Variants in PPP2CA observed in about 807,000 individuals in gnomAD.
The protein encoded by PPP2CA is protein phosphatase 2 catalytic subunit alpha.
Under a neutral mutation model 38.8 loss-of-function variants are expected in PPP2CA, and 5 were observed. The observed-to-expected ratio is 0.13, with a 90% CI of 0.07 to 0.27. The LOEUF (loss-of-function observed/expected upper bound fraction) is 0.27. PPP2CA is among the 10% of genes least tolerant of loss of function. The pLI is 1.00. For synonymous variants in PPP2CA, 152 were observed against 134.0 expected (o/e 1.13, Z -0.93); for missense variants, 88 against 389.7 (o/e 0.23, Z 6.52).
chr5:134,215,168 G>A (rs1561741516), intron 1 of PPP2CA, among the ~76,000 whole-genome samples: 4 of 150,238 alleles, frequency 2.7e-5, no homozygotes, highest in Non-Finnish European at 5.9e-5. Flanking sequence ...CATGATCACA[G>A]CTCATTGCAG....
intron 1 of PPP2CA, among the ~76,000 whole-genome samples, chr5:134,223,229 A>G (rs1762483105): frequency 6.6e-6 from 1 of 152,204 alleles, no homozygotes; most frequent in Non-Finnish European, 1.5e-5. Context: ...CAAATTTTCA[A>G]AATTACTCTT....
At chr5:134,203,155 CAT>C (rs972640900) in intron 2 of PPP2CA, among the ~76,000 whole-genome samples, 2 of 151,564 alleles carry the variant, frequency 1.3e-5, no homozygotes, top group Admixed American at 1.3e-4. Context: ...TTTGAAAAAA[CAT>C]AATCTTAATT....
At chr5:134,200,871 A>C in intron 4 of PPP2CA, 114 bp downstream of exon 4, 1 of 867,592 alleles carries the variant, frequency 1.2e-6, no homozygotes, top group Admixed American at 2.3e-5. Context: ...GAGTGCTCAC[A>C]CCTCAAGTTG....
At chr5:134,222,185 A>G (rs4431386) in intron 1 of PPP2CA, among the ~76,000 whole-genome samples, 116,563 of 151,852 alleles carry the variant, frequency 0.77, 45,188 homozygotes, top group Non-Finnish European at 0.82. Context: ...TGAGTCTTTG[A>G]GTTGCATCTG....
intron 1 of PPP2CA, among the ~76,000 whole-genome samples, chr5:134,215,665 C>T (rs572699528): frequency 6.6e-6 from 1 of 152,214 alleles, no homozygotes; most frequent in East Asian, 1.9e-4. Context: ...TCTTGAACTC[C>T]CGGGCTCAAG....
At position 134,212,800 on chromosome 5, in the gene PPP2CA, G is replaced by C. The variant is rs563354304; in HGVS notation, c.103-6669C>G. On this transcript the variant is annotated intron_variant, in intron 1 of 6. Transcript: ENST00000481195. ...AGCCAAACAGTCTTATTGCAGATAC[G>C]GACAAAGTTTTAGTGGTCTGGATAG... Among the ~76,000 whole-genome samples, 10 of 152,256 alleles carry C rather than the reference G, an allele frequency of 6.6e-5. No individual in the cohort carries two copies. In the East Asian group the frequency reaches 1.9e-3, roughly 29 times the overall value.
chr5:134,199,288 T>C, intron 5 of PPP2CA, 84 bp from the exon 6 acceptor site: 1 of 1,026,910 alleles, frequency 9.7e-7, no homozygotes, highest in Non-Finnish European at 1.5e-6. Context: ...AAAAAATCTC[T>C]ACTCATTCCC....
intron 1 of PPP2CA, among the ~76,000 whole-genome samples, chr5:134,207,821 T>TA (rs1255955151): frequency 6.6e-6 from 1 of 152,206 alleles, no homozygotes; most frequent in African/African-American, 2.4e-5. Flanking sequence ...AGTGCTGAAT[T>TA]ACAGGCGTTA....
intron 6 of PPP2CA, among the ~76,000 whole-genome samples, chr5:134,198,810 C>G (rs564147745): frequency 2.0e-5 from 3 of 152,288 alleles, no homozygotes; most frequent in African/African-American, 4.8e-5. Context: ...AGGTGATCCA[C>G]CCGAGCCTTC....
At chr5:134,208,407 A>G (rs561726214) in intron 1 of PPP2CA, among the ~76,000 whole-genome samples, 1 of 152,338 alleles carries the variant, frequency 6.6e-6, no homozygotes, top group South Asian at 2.1e-4. Context: ...AGTGTTATCT[A>G]TTTTTTAAAC....
chr5:134,209,710 G>A (rs964493780), intron 1 of PPP2CA, among the ~76,000 whole-genome samples: 5 of 151,978 alleles, frequency 3.3e-5, no homozygotes, highest in African/African-American at 7.3e-5. Flanking sequence ...CCTGGGAGGC[G>A]GAGGTTGCAG....
intron 1 of PPP2CA, among the ~76,000 whole-genome samples, chr5:134,217,292 A>G (rs1182147376): frequency 6.6e-6 from 1 of 152,222 alleles, no homozygotes; most frequent in Non-Finnish European, 1.5e-5. Context: ...AAAAAAAGAA[A>G]AAAAAAAGAA....
chr5:134,195,305 C>G lies in PPP2CA; in HGVS notation c.*2467G>C, dbSNP rs2149381556. ...TGGCTCTGTCACCCAGACTGGAGTA[C>G]AGTGGCACAATCTCAGCCCACTGCA... is the stretch of plus-strand genomic sequence containing the variant. On this transcript the variant is annotated 3_prime_UTR_variant, in exon 7 of 7. Coordinates refer to ENST00000481195, the MANE Select transcript of PPP2CA (RefSeq NM_002715.4). 6.6e-6 allele frequency: 1 copy of G among 152,304 alleles called. No individual in the cohort carries two copies. Among genetic ancestry groups the G allele is most frequent in the East Asian group, 1.9e-4 (1 of 5,172 alleles). 9.4% of individuals were successfully genotyped at this position (152,304 alleles called of 1,614,324 possible).
chr5:134,206,140 G>A lies in PPP2CA; in HGVS notation c.103-9C>T, dbSNP rs1048272990. The A allele has an allele frequency of 6.2e-6, 10 of 1,604,106 alleles. No homozygotes were observed. The highest frequency in any genetic ancestry group is 2.7e-5 in the African/African-American group (2 of 74,752). ...GTCAGGATTTCTTTAGCCTACAGAT[G>A]GGAGACAAAAATAAGGCAATACATT... is the stretch of plus-strand genomic sequence containing the variant. On this transcript the variant is annotated splice_polypyrimidine_tract_variant and intron_variant, in intron 1 of 6. Coordinates refer to ENST00000481195, the MANE Select transcript of PPP2CA (RefSeq NM_002715.4).
At chr5:134,211,085 A>T (rs1762194621) in intron 1 of PPP2CA, among the ~76,000 whole-genome samples, 1 of 151,946 alleles carries the variant, frequency 6.6e-6, no homozygotes, top group African/African-American at 2.4e-5. Context: ...ATCTTTGAGG[A>T]TACTTTTTAA....
Position 134,197,041 on chromosome 5 carries a change from A to T in PPP2CA, c.*731T>A, listed in dbSNP as rs1263519945. On this transcript the variant is annotated 3_prime_UTR_variant, in exon 7 of 7. Transcript: ENST00000481195. ...TTTACTCAATTGATTTAACTTTTTT[A>T]ATAAACAGCACCAGTCTTGCCCATT... 1 of 152,658 alleles carries T rather than the reference A, an allele frequency of 6.6e-6. No individual in the cohort carries two copies. Among genetic ancestry groups the T allele is most frequent in the African/African-American group, 2.4e-5 (1 of 41,460 alleles). The allele number at this position is 152,658 out of a possible 1,614,324, so 9.5% of individuals were successfully genotyped here.
intron 2 of PPP2CA, among the ~76,000 whole-genome samples, chr5:134,204,845 A>C (rs529991098): frequency 2.0e-5 from 3 of 152,264 alleles, no homozygotes; most frequent in African/African-American, 7.2e-5. Context: ...AATGTATGTA[A>C]TGTACATAAT....
At chr5:134,213,063 T>C (rs1279014150) in intron 1 of PPP2CA, among the ~76,000 whole-genome samples, 1 of 152,058 alleles carries the variant, frequency 6.6e-6, no homozygotes, top group East Asian at 1.9e-4. Flanking sequence ...CTAAGATAAG[T>C]GATGAAGGTG....
At chr5:134,198,395 A>AAAACAAAC (rs70976523) in intron 6 of PPP2CA, among the ~76,000 whole-genome samples, 143 of 150,846 alleles carry the variant, frequency 9.5e-4, no homozygotes, top group African/African-American at 3.0e-3. Flanking sequence ...TCCGTCTCAA[A>AAAACAAAC]AAACAAACAA....
Sources: gnomAD v4.1 joint callset for allele counts (sites outside exome capture counted in the v4.1 genomes callset) on GRCh38, gnomAD v4.1.1 for gene constraint, MANE v1.5 for transcripts, NCBI Gene and HGNC (gene_info 2026-07-23, HGNC 2026-07-21) for gene names.